Variants in RARB observed in about 807,000 individuals in gnomAD.
RARB encodes HBV-activated protein.
A neutral mutation model predicts 51.9 loss-of-function variants in RARB; 17 were observed. The ratio of observed to expected loss-of-function variants is 0.33; its 90% CI spans 0.22 to 0.49. The LOEUF (loss-of-function observed/expected upper bound fraction) is 0.49, where lower values mean the gene tolerates loss of function less well. Ranked by LOEUF, RARB falls within the 20% of genes least tolerant of loss-of-function variation. The pLI is 0.99. For synonymous variants in RARB, 215 were observed against 195.4 expected, an observed-to-expected ratio of 1.10 and a Z score of -0.84; for missense variants, 369 against 550.8, an observed-to-expected ratio of 0.67 and a Z score of 3.30.
chr3:25,498,203 G>T (rs181704277), intron 2 of RARB, among the ~76,000 whole-genome samples: 1 of 152,270 alleles, frequency 6.6e-6, no homozygotes, highest in East Asian at 1.9e-4. Context: ...ATAGAAGGAG[G>T]AGTCAACCTA....
chr3:24,908,532 A>G (rs1338322228), intron 2 of RARB, among the ~76,000 whole-genome samples: 2 of 152,124 alleles, frequency 1.3e-5, no homozygotes, highest in African/African-American at 2.4e-5. Flanking sequence ...AACAAAATTT[A>G]GCTGATTTTG....
rs556268879 is a variant in RARB at position 25,009,021 on chromosome 3, G to A, written c.-379-51104G>A. On this transcript the variant is annotated intron_variant, in intron 2 of 11. Transcript: ENST00000383772. ...AGCAATGAAATGAAGCCTATTTGCC[G>A]AAGAAGCAGAGTGACCTGCTAAGAA... 5.9e-5 allele frequency among the ~76,000 whole-genome samples: 9 copies of A among 152,228 alleles called. No homozygotes were observed. The East Asian group carries it at 1.2e-3, about 20-fold the overall frequency.
intron 2 of RARB, among the ~76,000 whole-genome samples, chr3:24,860,433 C>T (rs1702729521): frequency 6.6e-6 from 1 of 152,108 alleles, no homozygotes; most frequent in Non-Finnish European, 1.5e-5. Context: ...CAGAAGGTTT[C>T]TTTACATTCT....
intron 5 of RARB, among the ~76,000 whole-genome samples, chr3:25,321,889 AAG>A (rs1704582461): frequency 1.3e-5 from 2 of 151,992 alleles, no homozygotes; most frequent in South Asian, 2.1e-4. Context: ...AAAAGACAAA[AAG>A]ATTATTTGGG....
intron 3 of RARB, among the ~76,000 whole-genome samples, chr3:25,545,513 C>T (rs887575162): frequency 6.6e-6 from 1 of 152,074 alleles, no homozygotes; most frequent in Non-Finnish European, 1.5e-5. Context: ...CTCCTCAGAC[C>T]CAGCTGGCCA....
At chr3:25,069,517 A>G (rs1218121443) in intron 3 of RARB, among the ~76,000 whole-genome samples, 1 of 152,214 alleles carries the variant, frequency 6.6e-6, no homozygotes, top group South Asian at 2.1e-4. Context: ...TAGGTCACCA[A>G]GAGAACTCTG....
At chr3:24,957,504 AAAG>A (rs1696042526) in intron 2 of RARB, among the ~76,000 whole-genome samples, 2 of 152,240 alleles carry the variant, frequency 1.3e-5, no homozygotes, top group Admixed American at 1.3e-4. Flanking sequence ...GACCAAAGAA[AAAG>A]ATCCAGTGTA....
intron 3 of RARB, among the ~76,000 whole-genome samples, chr3:25,517,561 T>C (rs766671119): frequency 6.6e-6 from 1 of 152,124 alleles, no homozygotes; most frequent in Non-Finnish European, 1.5e-5. Flanking sequence ...AAATGGTACA[T>C]TGCCACTATG....
intron 5 of RARB, among the ~76,000 whole-genome samples, chr3:25,282,689 T>C (rs746279635): frequency 7.2e-5 from 11 of 152,102 alleles, no homozygotes; most frequent in Non-Finnish European, 1.3e-4. Flanking sequence ...AGCCAGGGCA[T>C]TGCTGCTAGG....
intron 5 of RARB, among the ~76,000 whole-genome samples, chr3:25,589,837 G>A (rs984160107): frequency 6.6e-6 from 1 of 152,178 alleles, no homozygotes; most frequent in African/African-American, 2.4e-5. Context: ...CCATCTCGTG[G>A]GGCCTGCATG....
intron 3 of RARB, among the ~76,000 whole-genome samples, chr3:25,565,811 A>C (rs1362166409): frequency 6.6e-6 from 1 of 151,010 alleles, no homozygotes; most frequent in African/African-American, 2.4e-5. Flanking sequence ...ACAGTAGTCT[A>C]CCTCCTTCCC....
chr3:25,128,896 C>T lies in RARB; in HGVS notation c.-327-3265C>T, dbSNP rs138285293. Among the ~76,000 whole-genome samples the T allele has an allele frequency of 9.2e-4, 139 of 151,882 alleles. 2 individuals are homozygous for T. The highest frequency in any genetic ancestry group is 7.6e-3 in the East Asian group (39 of 5,164). ...GAATCAATAGAAAATTAGAATCTGT[C>T]GAAGAGAGGATTAGTTAACTGGAAG... On this transcript the variant is annotated intron_variant, in intron 3 of 11. Coordinates refer to the RARB transcript ENST00000383772.
chr3:24,909,905 G>A (rs1694953818), intron 2 of RARB, among the ~76,000 whole-genome samples: 1 of 151,924 alleles, frequency 6.6e-6, no homozygotes, highest in South Asian at 2.1e-4. Flanking sequence ...CTGTGTGTGT[G>A]TTTGTATTTA....
At chr3:25,037,259 C>CT (rs35430060) in intron 2 of RARB, among the ~76,000 whole-genome samples, 33,607 of 143,856 alleles carry the variant, frequency 0.23, 3,921 homozygotes, top group South Asian at 0.35. Flanking sequence ...ATTTCACCAG[C>CT]TTTTTTTTTT....
chr3:25,451,011 C>T (rs78327786), intron 1 of RARB, among the ~76,000 whole-genome samples: 10,105 of 152,050 alleles, frequency 0.066, 408 homozygotes, highest in Middle Eastern at 0.12. Context: ...CTCTTGATCC[C>T]GGGAGGCGGA....
intron 5 of RARB, among the ~76,000 whole-genome samples, chr3:25,248,991 G>C (rs1447743824): frequency 3.9e-5 from 6 of 152,018 alleles, no homozygotes; most frequent in African/African-American, 1.4e-4. Flanking sequence ...GCTAGACTTA[G>C]GAAGTTTTCA....
At chr3:25,363,078 A>C (rs2125465332) in intron 5 of RARB, among the ~76,000 whole-genome samples, 1 of 152,334 alleles carries the variant, frequency 6.6e-6, no homozygotes, top group African/African-American at 2.4e-5. Context: ...CCTAACCCAT[A>C]TGTTTTGTAG....
Position 25,208,049 on chromosome 3 carries a change from C to T in RARB, c.178+33474C>T, listed in dbSNP as rs145430895. 5.9e-4 allele frequency among the ~76,000 whole-genome samples: 90 copies of T among 152,044 alleles called. 1 individual carries two copies. In the East Asian group the frequency reaches 6.8e-3, roughly 11 times the overall value. On this transcript the variant is annotated intron_variant, in intron 5 of 11. Coordinates refer to the RARB transcript ENST00000383772. The stretch of plus-strand genomic sequence containing the variant: ...GGGGGAGCAAATTGGGGGAATGCTA[C>T]GCACCGTTAAGCAACCGGATCTCAT...
At chr3:24,987,528 A>G (rs1412338013) in intron 2 of RARB, among the ~76,000 whole-genome samples, 3 of 152,224 alleles carry the variant, frequency 2.0e-5, no homozygotes, top group Non-Finnish European at 4.4e-5. Flanking sequence ...CAAAACTGTT[A>G]TATTATTCAC....
Sources: allele counts gnomAD v4.1 joint callset (sites outside exome capture counted in the v4.1 genomes callset), GRCh38; gene constraint gnomAD v4.1.1; transcripts MANE v1.5; gene names NCBI Gene and HGNC (gene_info 2026-07-23, HGNC 2026-07-21).